CFAP299: variants seen among roughly 807,000 people sequenced by gnomAD.
CFAP299 encodes cilia and flagella associated protein 299.
In CFAP299, 21 loss-of-function variants were observed where a neutral mutation model predicts 27.0. That is an observed-to-expected ratio of 0.78 (90% CI 0.55 to 1.12). The LOEUF is 1.12. Among genes scored for constraint, CFAP299 ranks in the 50% most tolerant of loss-of-function variants. CFAP299 has a pLI of 0.00. For synonymous variants in CFAP299, 104 were observed against 98.1 expected, an observed-to-expected ratio of 1.06 and a Z score of -0.36; for missense variants, 310 against 276.6, an observed-to-expected ratio of 1.12 and a Z score of -0.86.
At chr4:80,773,704 G>T (rs1266964044) in intron 3 of CFAP299, among the ~76,000 whole-genome samples, 3 of 151,852 alleles carry the variant, frequency 2.0e-5, no homozygotes, top group Non-Finnish European at 4.4e-5. Flanking sequence ...GTAATAATTT[G>T]GTCAATCCAT....
At chr4:80,766,605 G>A (rs1317274633) in intron 3 of CFAP299, among the ~76,000 whole-genome samples, 1 of 152,050 alleles carries the variant, frequency 6.6e-6, no homozygotes, top group African/African-American at 2.4e-5. Context: ...ATTGAGTTTT[G>A]GAAAAACTTT....
At chr4:80,604,648 C>T (rs1560651178) in intron 3 of CFAP299, among the ~76,000 whole-genome samples, 1 of 152,120 alleles carries the variant, frequency 6.6e-6, no homozygotes, top group Non-Finnish European at 1.5e-5. Flanking sequence ...AAGTCAAGTT[C>T]ATTTAGGCAA....
At chr4:80,765,839 G>A (rs1476765531) in intron 3 of CFAP299, among the ~76,000 whole-genome samples, 1 of 151,798 alleles carries the variant, frequency 6.6e-6, no homozygotes, top group Non-Finnish European at 1.5e-5. Flanking sequence ...GATAAATTAC[G>A]AATTGAGACC....
chr4:80,427,976 GAACCATT>G, intron 2 of CFAP299, among the ~76,000 whole-genome samples: 1 of 152,054 alleles, frequency 6.6e-6, no homozygotes, highest in East Asian at 1.9e-4. Flanking sequence ...GAAAAACAAA[GAACCATT>G]GGGCGATTGT....
intron 4 of CFAP299, among the ~76,000 whole-genome samples, chr4:80,943,761 T>C (rs1285358254): frequency 6.6e-6 from 1 of 152,082 alleles, no homozygotes; most frequent in Non-Finnish European, 1.5e-5. Context: ...ATAGGAAGTT[T>C]CTGTACAAAA....
At chr4:80,408,858 A>G (rs1458069524) in intron 2 of CFAP299, among the ~76,000 whole-genome samples, 3 of 151,994 alleles carry the variant, frequency 2.0e-5, no homozygotes, top group Non-Finnish European at 2.9e-5. Context: ...AAATCATTGT[A>G]ACGTTTTTAT....
intron 3 of CFAP299, among the ~76,000 whole-genome samples, chr4:80,732,672 G>C (rs11936472): frequency 6.6e-6 from 1 of 151,798 alleles, no homozygotes; most frequent in East Asian, 1.9e-4. Flanking sequence ...CTCTTTCCTG[G>C]GTCCTCCACA....
At chr4:80,890,911 TG>T (rs1326554621) in intron 4 of CFAP299, among the ~76,000 whole-genome samples, 1 of 147,452 alleles carries the variant, frequency 6.8e-6, no homozygotes, top group African/African-American at 2.5e-5. Context: ...TGGGGTTGTT[TG>T]TTTTTTTCTT....
At chr4:80,620,211 G>T (rs1343373626) in intron 3 of CFAP299, among the ~76,000 whole-genome samples, 1 of 152,164 alleles carries the variant, frequency 6.6e-6, no homozygotes, top group Admixed American at 6.6e-5. Context: ...AGTCTGTGCA[G>T]TGGATTTATA....
chr4:80,800,453 AATATAATAT>A (rs1728419138), intron 3 of CFAP299, among the ~76,000 whole-genome samples: 1 of 41,426 alleles, frequency 2.4e-5, no homozygotes, highest in East Asian at 1.1e-3. Flanking sequence ...TTGATATATT[AATATAATAT>A]ATAATATATA....
chr4:80,423,579 C>G (rs1296864623), intron 2 of CFAP299, among the ~76,000 whole-genome samples: 1 of 152,130 alleles, frequency 6.6e-6, no homozygotes, highest in Admixed American at 6.5e-5. Context: ...TCTCTGACCC[C>G]CTATTCCATG....
chr4:80,480,828 G>A (rs1165636139), intron 2 of CFAP299, among the ~76,000 whole-genome samples: 1 of 151,896 alleles, frequency 6.6e-6, no homozygotes, highest in Non-Finnish European at 1.5e-5. Context: ...TCTACAAACA[G>A]TTTGCAATGT....
intron 4 of CFAP299, among the ~76,000 whole-genome samples, chr4:80,883,539 A>G (rs546730151): frequency 3.1e-4 from 47 of 152,294 alleles, no homozygotes; most frequent in African/African-American, 1.1e-3. Context: ...CAAACGACTC[A>G]GTTTACCTTT....
intron 3 of CFAP299, among the ~76,000 whole-genome samples, chr4:80,868,957 G>A (rs1732915757): frequency 6.8e-6 from 1 of 148,092 alleles, no homozygotes; most frequent in South Asian, 2.1e-4. Flanking sequence ...GTCCCAATAT[G>A]ACATAACTGA....
intron 1 of CFAP299, among the ~76,000 whole-genome samples, chr4:80,359,918 C>T (rs1039127440): frequency 6.6e-6 from 1 of 152,186 alleles, no homozygotes; most frequent in Admixed American, 6.5e-5. Context: ...AAGTTTTCAT[C>T]ATTCTTGTGC....
intron 2 of CFAP299, among the ~76,000 whole-genome samples, chr4:80,436,330 A>G (rs2903666): frequency 0.94 from 139,215 of 148,446 alleles, 65,808 homozygotes; most frequent in East Asian, 0.99. Context: ...ACGGAGTCTC[A>G]CTCTGTTGCC....
intron 3 of CFAP299, among the ~76,000 whole-genome samples, chr4:80,804,649 T>C (rs1728773474): frequency 6.6e-6 from 1 of 152,174 alleles, no homozygotes; most frequent in Non-Finnish European, 1.5e-5. Flanking sequence ...TCTTATAAAC[T>C]TTTTTATTTA....
At chr4:80,673,037 C>A (rs1741592063) in intron 3 of CFAP299, among the ~76,000 whole-genome samples, 2 of 150,168 alleles carry the variant, frequency 1.3e-5, no homozygotes, top group Admixed American at 6.7e-5. Context: ...TTAGTTATTT[C>A]TTGCCTTCTG....
In CFAP299 at chr4:80,362,902, A is replaced by G. The variant is rs1344924930; in HGVS notation, c.242+18A>G. ...CAGCAAAAGTAAGTGTCCATGTTCC[A>G]AATCCAGATTTTATGTTATATTCTA... On this transcript the variant is annotated intron_variant, in intron 2 of 5. Transcript: ENST00000358105. 2 of 1,592,588 alleles carry G rather than the reference A, an allele frequency of 1.3e-6. No homozygotes were observed. Among genetic ancestry groups the G allele is most frequent in the Admixed American group, 3.8e-5 (2 of 53,300 alleles).
Sources: allele counts gnomAD v4.1 joint callset (sites outside exome capture counted in the v4.1 genomes callset), GRCh38; gene constraint gnomAD v4.1.1; transcripts MANE v1.5; gene names NCBI Gene and HGNC (gene_info 2026-07-23, HGNC 2026-07-21).